DYNC1I1: variants seen among roughly 807,000 people sequenced by gnomAD.
The protein encoded by DYNC1I1 is dynein cytoplasmic 1 intermediate chain 1.
Under a neutral mutation model 86.6 loss-of-function variants are expected in DYNC1I1, and 43 were observed. The ratio of observed to expected loss-of-function variants is 0.50; its 90% CI spans 0.39 to 0.64. DYNC1I1 has a LOEUF of 0.64. Among genes scored for constraint, DYNC1I1 ranks in the 30% least tolerant of loss-of-function variants. The pLI, the probability that DYNC1I1 is intolerant of heterozygous loss-of-function variation, is 0.00. For synonymous variants in DYNC1I1, 262 were observed against 283.7 expected, an observed-to-expected ratio of 0.92 and a Z score of 0.77; for missense variants, 604 against 788.8, an observed-to-expected ratio of 0.77 and a Z score of 2.81.
chr7:95,828,647 AAAGAT>A (rs1318759908), intron 5 of DYNC1I1, among the ~76,000 whole-genome samples: 23 of 152,228 alleles, frequency 1.5e-4, no homozygotes, highest in African/African-American at 5.5e-4. Flanking sequence ...ACCTTGATCT[AAAGAT>A]ATTTCAAATA....
At chr7:95,873,552 G>A (rs976067802) in intron 6 of DYNC1I1, among the ~76,000 whole-genome samples, 4 of 152,184 alleles carry the variant, frequency 2.6e-5, no homozygotes, top group Non-Finnish European at 4.4e-5. Flanking sequence ...TTAAGGTAGC[G>A]AGTACTTATG....
rs144540823 is a variant in DYNC1I1, at chr7:96,060,339, G to A, written c.1510-15718G>A. On this transcript the variant is annotated intron_variant, in intron 14 of 16. Coordinates refer to ENST00000447467, the MANE Select transcript of DYNC1I1 (RefSeq NM_001135556.2). Reference sequence around the variant, plus strand: ...AGCAGGCCTGAAGTCCGACATACATGGTTATAAGGCAGCAGCAAGCAGGTG... The same window carrying A: ...AGCAGGCCTGAAGTCCGACATACATAGTTATAAGGCAGCAGCAAGCAGGTG... Among the ~76,000 whole-genome samples, 1,183 of 152,216 alleles carry A rather than the reference G, an allele frequency of 7.8e-3. 13 individuals are homozygous for A. Among genetic ancestry groups the A allele is most frequent in the African/African-American group, 0.027 (1,116 of 41,514 alleles).
At chr7:95,857,070 T>G (rs953250624) in intron 5 of DYNC1I1, among the ~76,000 whole-genome samples, 1 of 152,312 alleles carries the variant, frequency 6.6e-6, no homozygotes, top group Non-Finnish European at 1.5e-5. Context: ...ACCAAATCCT[T>G]TGATGTCATG....
intron 4 of DYNC1I1, chr7:95,818,539 T>C (rs997297979): frequency 5.9e-6 from 4 of 676,124 alleles, no homozygotes; most frequent in Non-Finnish European, 8.1e-6. Context: ...GTCTTGAACT[T>C]CTGGCCTCAA....
chr7:95,942,182 A>G (rs1039288334), intron 6 of DYNC1I1, among the ~76,000 whole-genome samples: 4 of 152,218 alleles, frequency 2.6e-5, no homozygotes, highest in African/African-American at 9.6e-5. Context: ...AAAAATGATA[A>G]AGGGAATATC....
At chr7:95,984,765 C>G (rs549734270) in intron 7 of DYNC1I1, 50 bp from the exon 8 acceptor site, 1 of 1,531,406 alleles carries the variant, frequency 6.5e-7, no homozygotes, top group Admixed American at 2.2e-5. Flanking sequence ...TTTTAATTGT[C>G]ACTTTTTCTT....
chr7:95,992,244 C>T (rs1016368998), intron 9 of DYNC1I1, among the ~76,000 whole-genome samples: 13 of 152,088 alleles, frequency 8.5e-5, no homozygotes, highest in African/African-American at 3.1e-4. Flanking sequence ...GTTACTTCTA[C>T]GTGTGTCTTA....
intron 14 of DYNC1I1, among the ~76,000 whole-genome samples, chr7:96,057,714 A>G (rs1043016382): frequency 2.0e-5 from 3 of 152,142 alleles, no homozygotes; most frequent in Non-Finnish European, 4.4e-5. Flanking sequence ...GTCAGTGATC[A>G]TATTTTACAT....
intron 5 of DYNC1I1, among the ~76,000 whole-genome samples, chr7:95,837,071 G>C (rs1439243879): frequency 2.0e-5 from 3 of 151,122 alleles, no homozygotes; most frequent in Non-Finnish European, 4.4e-5. Flanking sequence ...CAGTTTTTCT[G>C]TTCTGTTTTT....
At chr7:95,931,317 C>A (rs1387029605) in intron 6 of DYNC1I1, among the ~76,000 whole-genome samples, 1 of 152,030 alleles carries the variant, frequency 6.6e-6, no homozygotes, top group African/African-American at 2.4e-5. Context: ...ACCCAGCTAA[C>A]TTTTGCATTT....
intron 10 of DYNC1I1, among the ~76,000 whole-genome samples, chr7:96,004,646 GCACACACACA>G (rs34562315): frequency 4.1e-5 from 6 of 146,142 alleles, no homozygotes; most frequent in African/African-American, 1.0e-4. Context: ...ATAAATGCAT[GCACACACACA>G]CACACACACA....
At chr7:95,850,037 A>C (rs1197119355) in intron 5 of DYNC1I1, among the ~76,000 whole-genome samples, 1 of 152,082 alleles carries the variant, frequency 6.6e-6, no homozygotes, top group Non-Finnish European at 1.5e-5. Context: ...AAATGCTACT[A>C]ATTTTTGTAT....
At chr7:96,062,390 A>T (rs1789807974) in intron 14 of DYNC1I1, among the ~76,000 whole-genome samples, 1 of 151,958 alleles carries the variant, frequency 6.6e-6, no homozygotes, top group Non-Finnish European at 1.5e-5. Context: ...TAACAAATGG[A>T]AATTTAGCAA....
intron 6 of DYNC1I1, among the ~76,000 whole-genome samples, chr7:95,911,749 G>A (rs917020741): frequency 2.0e-5 from 3 of 152,148 alleles, no homozygotes; most frequent in South Asian, 4.2e-4. Flanking sequence ...TGAGTTGCAC[G>A]TGTGGTGAGG....
At chr7:96,065,527 A>G (rs908851360) in intron 14 of DYNC1I1, among the ~76,000 whole-genome samples, 1 of 151,880 alleles carries the variant, frequency 6.6e-6, no homozygotes. Context: ...ACAGGCATTC[A>G]TCACCATGCC....
At chr7:95,801,023 G>A (rs576491492) in intron 1 of DYNC1I1, among the ~76,000 whole-genome samples, 53 of 152,334 alleles carry the variant, frequency 3.5e-4, no homozygotes, top group African/African-American at 1.1e-3. Context: ...TATGTGTAAA[G>A]TCTCGTTCAT....
At chr7:95,999,655 GA>G (rs2115780766) in intron 10 of DYNC1I1, among the ~76,000 whole-genome samples, 1 of 152,300 alleles carries the variant, frequency 6.6e-6, no homozygotes, top group Non-Finnish European at 1.5e-5. Context: ...CGCCTGTGAA[GA>G]GTGATGGTAA....
At position 96,048,947 on chromosome 7, in the gene DYNC1I1, G is replaced by A. The variant is rs184918331; in HGVS notation, c.1509+9526G>A. Reference sequence around the variant, plus strand: ...TCTATGAGCGTAAAATTTAAAGGAAGCAATCACATCTCTTAAAATTACTAA... The same window carrying A: ...TCTATGAGCGTAAAATTTAAAGGAAACAATCACATCTCTTAAAATTACTAA... On this transcript the variant is annotated intron_variant, in intron 14 of 16. Transcript: ENST00000447467. Among the ~76,000 whole-genome samples the A allele has an allele frequency of 1.4e-3, 208 of 152,232 alleles. 2 individuals are homozygous for A. The highest frequency in any genetic ancestry group is 9.8e-3 in the Admixed American group (150 of 15,290).
At chr7:95,868,863 G>A (rs1048551915) in intron 5 of DYNC1I1, among the ~76,000 whole-genome samples, 3 of 152,132 alleles carry the variant, frequency 2.0e-5, no homozygotes, top group Admixed American at 6.5e-5. Flanking sequence ...TGAGACACAC[G>A]CTGGTAAATG....
Sources: allele counts gnomAD v4.1 joint callset (sites outside exome capture counted in the v4.1 genomes callset), GRCh38; gene constraint gnomAD v4.1.1; transcripts MANE v1.5; gene names NCBI Gene and HGNC (gene_info 2026-07-23, HGNC 2026-07-21).